Variants in DTNA observed in about 807,000 individuals in gnomAD.
DTNA encodes the protein dystrobrevin alpha, also known as dystrophin-related protein 3.
A neutral mutation model predicts 100.7 loss-of-function variants in DTNA; 43 were observed. That is an observed-to-expected ratio of 0.43 (90% confidence interval 0.33 to 0.55). The LOEUF (loss-of-function observed/expected upper bound fraction) is 0.55, where lower values mean the gene tolerates loss of function less well. Ranked by LOEUF, DTNA falls within the 20% of genes least tolerant of loss-of-function variation. DTNA has a pLI of 0.04. For synonymous variants in DTNA, 349 were observed against 347.9 expected (o/e 1.00, Z -0.04); for missense variants, 798 against 953.9 (o/e 0.84, Z 2.15).
At chr18:34,815,233 T>G (rs1390273437) in intron 6 of DTNA, among the ~76,000 whole-genome samples, 1 of 152,196 alleles carries the variant, frequency 6.6e-6, no homozygotes, top group Non-Finnish European at 1.5e-5. Flanking sequence ...AGTACATGTA[T>G]TAATATAGCT....
At chr18:34,752,760 T>C (rs1337757180) in intron 1 of DTNA, among the ~76,000 whole-genome samples, 1 of 152,220 alleles carries the variant, frequency 6.6e-6, no homozygotes, top group African/African-American at 2.4e-5. Flanking sequence ...AATTAATACC[T>C]ATTGTGTAAC....
rs1239073766 is a variant in DTNA at position 34,889,251 on chromosome 18, G to A, written c.*1517G>A. On this transcript the variant is annotated 3_prime_UTR_variant, in exon 23 of 23. Transcript: ENST00000444659. ...ATTTTAGAACAATAGTTCTCAAAGT[G>A]TGTTCCCCGGACAAGCAGCATCTGC... 3.0e-6 allele frequency: 3 copies of A among 985,178 alleles called. No homozygotes were observed. Among genetic ancestry groups the A allele is most frequent in the South Asian group, 4.7e-5 (1 of 21,292 alleles). 61.0% of individuals were successfully genotyped at this position (985,178 alleles called of 1,614,324 possible).
At chr18:34,846,735 C>T (rs1273707244) in intron 13 of DTNA, among the ~76,000 whole-genome samples, 1 of 152,038 alleles carries the variant, frequency 6.6e-6, no homozygotes. Context: ...GTGACATAGC[C>T]AAAATGCTGG....
chr18:34,749,102 G>A (rs536256893), intron 1 of DTNA, among the ~76,000 whole-genome samples: 1 of 152,058 alleles, frequency 6.6e-6, no homozygotes, highest in Admixed American at 6.6e-5. Context: ...ATTGAGTTCT[G>A]GATTTGGTTC....
intron 1 of DTNA, among the ~76,000 whole-genome samples, chr18:34,631,499 C>G (rs889596968): frequency 6.6e-6 from 1 of 152,128 alleles, no homozygotes; most frequent in Non-Finnish European, 1.5e-5. Flanking sequence ...TGAAAGAGAT[C>G]TACCTGAGAG....
intron 1 of DTNA, among the ~76,000 whole-genome samples, chr18:34,569,396 A>T (rs1212542804): frequency 6.6e-6 from 1 of 152,178 alleles, no homozygotes; most frequent in Non-Finnish European, 1.5e-5. Flanking sequence ...GGAGTGAACC[A>T]ATAAAGATAA....
chr18:34,682,522 C>T lies in DTNA; in HGVS notation c.-1-73454C>T, dbSNP rs147506121. Among the ~76,000 whole-genome samples the T allele has an allele frequency of 2.2e-3, 339 of 152,264 alleles. 2 individuals are homozygous for T. The highest frequency in any genetic ancestry group is 7.8e-3 in the African/African-American group (324 of 41,542). On this transcript the variant is annotated intron_variant, in intron 1 of 19. Coordinates refer to the DTNA transcript ENST00000283365. ...AAATAAGTGTCCTGTTGCTCCATAT[C>T]CTCTCCAGCATTTGATGTCAGTGTT...
intron 19 of DTNA, among the ~76,000 whole-genome samples, 195 bp downstream of exon 19, chr18:34,878,003 T>C (rs1180473208): frequency 2.0e-5 from 3 of 152,090 alleles, no homozygotes; most frequent in Non-Finnish European, 2.9e-5. Context: ...AGACAGGGTG[T>C]CTCTGTGTTG....
chr18:34,724,802 C>T (rs1375084334), intron 1 of DTNA, among the ~76,000 whole-genome samples: 2 of 152,150 alleles, frequency 1.3e-5, no homozygotes, highest in Non-Finnish European at 2.9e-5. Flanking sequence ...AAGAACAAAG[C>T]TGGAGGCATA....
intron 1 of DTNA, among the ~76,000 whole-genome samples, chr18:34,562,588 G>T (rs1001851235): frequency 2.6e-5 from 4 of 152,078 alleles, no homozygotes; most frequent in Non-Finnish European, 4.4e-5. Context: ...GATAATGAGA[G>T]AAAAGATTTT....
chr18:34,838,405 G>A (rs1368558829), intron 12 of DTNA, among the ~76,000 whole-genome samples: 2 of 152,100 alleles, frequency 1.3e-5, no homozygotes, highest in African/African-American at 2.4e-5. Context: ...CTGAAGACTC[G>A]ATTTTCTGAA....
chr18:34,505,667 A>T (rs879815579), intron 1 of DTNA, among the ~76,000 whole-genome samples: 15 of 151,722 alleles, frequency 9.9e-5, no homozygotes, highest in Non-Finnish European at 1.8e-4. Flanking sequence ...TTCAATTCTA[A>T]AATTTCTACT....
At chr18:34,865,979 G>T in intron 17 of DTNA, 1 of 936,974 alleles carries the variant, frequency 1.1e-6, no homozygotes, top group Non-Finnish European at 1.8e-6. Flanking sequence ...GATAGTCACT[G>T]AGGTGGCAGA....
chr18:34,539,389 G>C (rs944403760), intron 1 of DTNA, among the ~76,000 whole-genome samples: 1 of 151,944 alleles, frequency 6.6e-6, no homozygotes, highest in Non-Finnish European at 1.5e-5. Context: ...AAACAAAAAA[G>C]TACTCTCAGA....
intron 1 of DTNA, among the ~76,000 whole-genome samples, chr18:34,571,639 GCT>G (rs1440014030): frequency 6.6e-6 from 1 of 152,062 alleles, no homozygotes; most frequent in Non-Finnish European, 1.5e-5. Flanking sequence ...GATTTGAGGT[GCT>G]CTTAATTGGT....
intron 8 of DTNA, chr18:34,818,744 G>C: frequency 1.4e-6 from 1 of 695,110 alleles, no homozygotes; most frequent in Non-Finnish European, 1.9e-6. Flanking sequence ...TTTTAAGTGC[G>C]TGACTAGAAT....
intron 11 of DTNA, among the ~76,000 whole-genome samples, chr18:34,830,626 C>T (rs760303403): frequency 6.6e-6 from 1 of 152,004 alleles, no homozygotes; most frequent in Admixed American, 6.6e-5. Context: ...AAAAAAAAAG[C>T]GATTCTCAAA....
intron 14 of DTNA, among the ~76,000 whole-genome samples, chr18:34,850,325 A>C (rs1322886369): frequency 1.3e-5 from 2 of 152,230 alleles, no homozygotes; most frequent in Non-Finnish European, 2.9e-5. Flanking sequence ...TATATGCCAG[A>C]AAAGGAAACT....
intron 1 of DTNA, among the ~76,000 whole-genome samples, chr18:34,515,924 T>C (rs1280481624): frequency 6.6e-6 from 1 of 152,044 alleles, no homozygotes; most frequent in Non-Finnish European, 1.5e-5. Flanking sequence ...CACCCTTTCA[T>C]TTAAGAGAGA....
Sources: gnomAD v4.1 joint callset for allele counts (sites outside exome capture counted in the v4.1 genomes callset) on GRCh38, gnomAD v4.1.1 for gene constraint, MANE v1.5 for transcripts, NCBI Gene and HGNC (gene_info 2026-07-23, HGNC 2026-07-21) for gene names.